Variants in EXOC6B observed in about 807,000 individuals in gnomAD.
EXOC6B encodes exocyst complex component 6B.
In EXOC6B, 54 loss-of-function variants were observed where a neutral mutation model predicts 113.5. That is an observed-to-expected ratio of 0.48 (90% CI 0.38 to 0.60). The LOEUF is 0.60. EXOC6B is among the 20% of genes least tolerant of loss of function. EXOC6B has a pLI of 0.00. For missense variants in EXOC6B, 797 were observed against 977.5 expected, an observed-to-expected ratio of 0.82 and a Z score of 2.46; for synonymous variants, 357 against 339.0, an observed-to-expected ratio of 1.05 and a Z score of -0.58.
intron 19 of EXOC6B, among the ~76,000 whole-genome samples, chr2:72,351,433 T>C (rs1310077209): frequency 6.6e-6 from 1 of 152,212 alleles, no homozygotes; most frequent in Non-Finnish European, 1.5e-5. Context: ...CTGAAAGACT[T>C]GTTTACAAAC....
intron 20 of EXOC6B, among the ~76,000 whole-genome samples, chr2:72,299,276 C>T (rs970476916): frequency 7.9e-5 from 12 of 151,516 alleles, no homozygotes; most frequent in South Asian, 4.2e-4. Flanking sequence ...TTGATCAATT[C>T]GGCTATTGAT....
At position 72,264,039 on chromosome 2, in the gene EXOC6B, T is replaced by A. The variant is rs530266747; in HGVS notation, c.2196+70908A>T. Among the ~76,000 whole-genome samples the A allele has an allele frequency of 2.0e-5, 3 of 152,244 alleles. No individual in the cohort carries two copies. In the South Asian group the frequency reaches 6.2e-4, roughly 32 times the overall value. Reference sequence around the variant, plus strand: ...CATAGGACATTTTACTTCCTTTTTCTGAATTAAGGAATGGGACTACACCTA... The same window carrying A: ...CATAGGACATTTTACTTCCTTTTTCAGAATTAAGGAATGGGACTACACCTA... On this transcript the variant is annotated intron_variant, in intron 20 of 21. Transcript: ENST00000272427.
At chr2:72,289,106 C>A in intron 20 of EXOC6B, 1 of 282,770 alleles carries the variant, frequency 3.5e-6, no homozygotes, top group Non-Finnish European at 6.7e-6. Context: ...TCCTGGGATT[C>A]TTTTTCTAGA....
At chr2:72,510,220 T>C (rs1158299484) in intron 11 of EXOC6B, among the ~76,000 whole-genome samples, 1 of 152,158 alleles carries the variant, frequency 6.6e-6, no homozygotes, top group Non-Finnish European at 1.5e-5. Flanking sequence ...AAACATAACT[T>C]TCTGTGGAAT....
At chr2:72,299,265 C>T (rs1312832191) in intron 20 of EXOC6B, among the ~76,000 whole-genome samples, 1 of 151,594 alleles carries the variant, frequency 6.6e-6, no homozygotes, top group Non-Finnish European at 1.5e-5. Flanking sequence ...CTTTCTTCTG[C>T]TTGATCAATT....
chr2:72,651,603 G>A (rs1674167279), intron 6 of EXOC6B, among the ~76,000 whole-genome samples: 1 of 152,194 alleles, frequency 6.6e-6, no homozygotes, highest in Non-Finnish European at 1.5e-5. Context: ...TATTTAGTGA[G>A]CACTAAGTAA....
chr2:72,576,503 G>C (rs919386881), intron 6 of EXOC6B, among the ~76,000 whole-genome samples: 4 of 152,060 alleles, frequency 2.6e-5, no homozygotes, highest in African/African-American at 9.7e-5. Flanking sequence ...AGAAAACAAA[G>C]GATTTGCTTG....
intron 1 of EXOC6B, among the ~76,000 whole-genome samples, chr2:72,750,028 T>C (rs1399268379): frequency 6.6e-6 from 1 of 151,530 alleles, no homozygotes; most frequent in Non-Finnish European, 1.5e-5. Flanking sequence ...GTGACACATA[T>C]ATACATATAC....
chr2:72,249,455 C>T (rs767324958), intron 20 of EXOC6B, among the ~76,000 whole-genome samples: 1 of 151,650 alleles, frequency 6.6e-6, no homozygotes, highest in African/African-American at 2.4e-5. Context: ...CGGGGTTTCA[C>T]CGTGTTAGCC....
Position 72,706,726 on chromosome 2 carries a change from G to A in EXOC6B, c.669+11377C>T, listed in dbSNP as rs368621678. 5.8e-4 allele frequency among the ~76,000 whole-genome samples: 88 copies of A among 152,134 alleles called. No homozygotes were observed. In the South Asian group the frequency reaches 0.015, roughly 26 times the overall value. The stretch of plus-strand genomic sequence containing the variant: ...AGGACGACATTCAGACTATGGCCTC[G>A]TGGAATGGATTTTTAAAAACAGCCA... On this transcript the variant is annotated intron_variant, in intron 6 of 21. Transcript: ENST00000272427.
chr2:72,212,532 A>C (rs1390439134), intron 20 of EXOC6B, among the ~76,000 whole-genome samples: 1 of 152,206 alleles, frequency 6.6e-6, no homozygotes, highest in Non-Finnish European at 1.5e-5. Flanking sequence ...AAAATCCCTG[A>C]GTGCATAATA....
intron 8 of EXOC6B, among the ~76,000 whole-genome samples, chr2:72,517,389 G>A (rs1052206971): frequency 2.6e-5 from 4 of 152,154 alleles, no homozygotes; most frequent in African/African-American, 9.7e-5. Flanking sequence ...GAACCCTGGT[G>A]TAGCTTAAAA....
At chr2:72,703,015 G>A (rs1403279311) in intron 6 of EXOC6B, among the ~76,000 whole-genome samples, 1 of 150,054 alleles carries the variant, frequency 6.7e-6, no homozygotes, top group Non-Finnish European at 1.5e-5. Context: ...TGTCCTGAAT[G>A]GTAATGCCTA....
intron 1 of EXOC6B, among the ~76,000 whole-genome samples, chr2:72,793,331 C>T (rs1203024810): frequency 6.6e-6 from 1 of 152,200 alleles, no homozygotes; most frequent in Non-Finnish European, 1.5e-5. Flanking sequence ...CTTTCATACA[C>T]ACTCTTTCCT....
chr2:72,398,366 C>A (rs973994138), intron 18 of EXOC6B, among the ~76,000 whole-genome samples: 3 of 152,096 alleles, frequency 2.0e-5, no homozygotes, highest in Non-Finnish European at 2.9e-5. Context: ...TGAACCTACA[C>A]ATTGACTCAC....
chr2:72,576,588 C>T (rs1433685519), intron 6 of EXOC6B, among the ~76,000 whole-genome samples: 1 of 152,020 alleles, frequency 6.6e-6, no homozygotes, highest in East Asian at 1.9e-4. Flanking sequence ...GTGACATTTC[C>T]ACTACATCAA....
At chr2:72,691,292 A>G (rs1171306186) in intron 6 of EXOC6B, among the ~76,000 whole-genome samples, 4 of 152,032 alleles carry the variant, frequency 2.6e-5, no homozygotes, top group African/African-American at 4.8e-5. Context: ...AAAGGAACCA[A>G]TCCAGCCTGG....
chr2:72,312,387 G>A (rs1687245806), intron 20 of EXOC6B, among the ~76,000 whole-genome samples: 1 of 151,880 alleles, frequency 6.6e-6, no homozygotes, highest in Non-Finnish European at 1.5e-5. Context: ...TAAAAGAGTT[G>A]GGTGGATCCT....
At chr2:72,792,530 T>G (rs1172443963) in intron 1 of EXOC6B, among the ~76,000 whole-genome samples, 1 of 152,240 alleles carries the variant, frequency 6.6e-6, no homozygotes, top group East Asian at 1.9e-4. Flanking sequence ...AGCAAAAGCC[T>G]ATAGCATCTG....
Sources: gnomAD v4.1 joint callset for allele counts (sites outside exome capture counted in the v4.1 genomes callset) on GRCh38, gnomAD v4.1.1 for gene constraint, MANE v1.5 for transcripts, NCBI Gene and HGNC (gene_info 2026-07-23, HGNC 2026-07-21) for gene names.